The following KLHL29 variants were observed in gnomAD, a reference collection of about 807,000 sequenced individuals.
The protein encoded by KLHL29 is kelch like family member 29, also known as kelch-like protein 29.
Under a neutral mutation model 80.4 loss-of-function variants are expected in KLHL29, and 21 were observed. The ratio of observed to expected loss-of-function variants is 0.26; its 90% CI spans 0.19 to 0.38. The LOEUF is 0.38. Among genes scored for constraint, KLHL29 ranks in the 10% least tolerant of loss-of-function variants. The pLI is 1.00. For synonymous variants in KLHL29, 511 were observed against 526.8 expected, an observed-to-expected ratio of 0.97 and a Z score of 0.41; for missense variants, 867 against 1,223.9, an observed-to-expected ratio of 0.71 and a Z score of 4.35.
rs1274026740 is a variant in KLHL29 at position 23,642,753 on chromosome 2, C to T, written c.843C>T (p.Thr281=). Residue 281 remains threonine, a synonymous_variant, in exon 5 of 14, where the codon ACC becomes ACT. Coordinates refer to ENST00000486442, the MANE Select transcript of KLHL29 (RefSeq NM_052920.2). ...SATLPSGAPA[T]NGPPTTDSAH... ...CTCTCCCCAGTGGTGCCCCTGCCACCAATGGGCCCCCCACAACCGACTCGG... is the reference window on the plus strand; with the variant it reads ...CTCTCCCCAGTGGTGCCCCTGCCACTAATGGGCCCCCCACAACCGACTCGG... The T allele has an allele frequency of 3.9e-6, 6 of 1,550,188 alleles. No individual in the cohort carries two copies. The highest frequency in any genetic ancestry group is 1.7e-6 in the Non-Finnish European group (2 of 1,146,820).
chr2:23,393,040 A>G (rs546994162), intron 1 of KLHL29, among the ~76,000 whole-genome samples: 2 of 152,222 alleles, frequency 1.3e-5, no homozygotes, highest in Non-Finnish European at 2.9e-5. Flanking sequence ...AGCATAGTAA[A>G]TAAATAGCAA....
At chr2:23,614,463 A>C (rs1199039494) in intron 3 of KLHL29, among the ~76,000 whole-genome samples, 1 of 152,244 alleles carries the variant, frequency 6.6e-6, no homozygotes, top group Non-Finnish European at 1.5e-5. Flanking sequence ...TCACAGTCAC[A>C]GTAGGAAATA....
intron 1 of KLHL29, among the ~76,000 whole-genome samples, chr2:23,406,445 G>A (rs143544356): frequency 1.3e-5 from 2 of 151,516 alleles, no homozygotes; most frequent in African/African-American, 2.4e-5. Flanking sequence ...GGACCATGTT[G>A]CACATGAAAT....
rs1159907916 is a variant in KLHL29 at position 23,682,895 on chromosome 2, T to TA, written c.941-1504_941-1503insA. On this transcript the variant is annotated intron_variant, in intron 5 of 13. Coordinates refer to ENST00000486442, the MANE Select transcript of KLHL29 (RefSeq NM_052920.2). The surrounding 1 kb of genome is among the most constrained non-coding windows in gnomAD (Gnocchi z 4.1). The stretch of plus-strand genomic sequence containing the variant: ...GTTGGCGGGGTCAGTGATTCGGCCT[T>TA]GCCATGGCTCCCAGAGGGCAGGGCC... 0.01 allele frequency among the ~76,000 whole-genome samples: 2 copies of TA among 198 alleles called. No homozygotes were observed. Among genetic ancestry groups the TA allele is most frequent in the African/African-American group, 0.036 (2 of 56 alleles). The allele number at this position is 198 out of a possible 152,430, so 0.1% of individuals were successfully genotyped here. A position where few individuals can be genotyped will look rare whatever the true frequency, so the allele number is the denominator to read the frequency against.
chr2:23,645,497 T>C (rs1273119278), intron 5 of KLHL29, among the ~76,000 whole-genome samples: 1 of 152,226 alleles, frequency 6.6e-6, no homozygotes, highest in Admixed American at 6.5e-5. Context: ...TGTTCTCTGT[T>C]TGAAACCTTG....
At chr2:23,588,769 GCCA>G (rs1273929177) in intron 3 of KLHL29, among the ~76,000 whole-genome samples, 2 of 152,220 alleles carry the variant, frequency 1.3e-5, no homozygotes, top group Non-Finnish European at 2.9e-5. Context: ...TGGACTGGAG[GCCA>G]CAGAGAAGAG....
chr2:23,604,972 A>G (rs987324744), intron 3 of KLHL29, among the ~76,000 whole-genome samples: 1 of 152,116 alleles, frequency 6.6e-6, no homozygotes, highest in Non-Finnish European at 1.5e-5. Flanking sequence ...GGCTGTTGGG[A>G]GGGTCCGCTG....
intron 1 of KLHL29, among the ~76,000 whole-genome samples, chr2:23,421,323 A>C (rs1662793941): frequency 6.6e-6 from 1 of 152,168 alleles, no homozygotes; most frequent in South Asian, 2.1e-4. Context: ...TGAAGATCAC[A>C]TGGTCAGGGC....
intron 1 of KLHL29, among the ~76,000 whole-genome samples, chr2:23,455,212 C>G (rs572858342): frequency 2.0e-5 from 3 of 152,282 alleles, no homozygotes; most frequent in Admixed American, 2.0e-4. Context: ...ATAAAATTGT[C>G]CCACTTCCAT....
At chr2:23,604,033 A>C (rs946094563) in intron 3 of KLHL29, among the ~76,000 whole-genome samples, 1 of 152,204 alleles carries the variant, frequency 6.6e-6, no homozygotes, top group Non-Finnish European at 1.5e-5. Context: ...TCTGGTCTTC[A>C]GTGCTCAGGG....
chr2:23,567,613 T>C (rs1423558221), intron 3 of KLHL29, among the ~76,000 whole-genome samples: 5 of 152,198 alleles, frequency 3.3e-5, no homozygotes, highest in Non-Finnish European at 7.3e-5. Flanking sequence ...GGGGAGATGA[T>C]CTGGGATTTC....
chr2:23,438,049 A>G (rs911391555), intron 1 of KLHL29, among the ~76,000 whole-genome samples: 1 of 150,830 alleles, frequency 6.6e-6, no homozygotes, highest in African/African-American at 2.5e-5. Flanking sequence ...TGGATTCCTA[A>G]GTATTTTATT....
In KLHL29 at chr2:23,662,913, A is replaced by G. The variant is rs111894697; in HGVS notation, c.940+20063A>G. The stretch of plus-strand genomic sequence containing the variant: ...AAATGCAAGGCTTTGAATTAAGCAG[A>G]ACCGGATTCAAATCTCCACTCTGCC... On this transcript the variant is annotated intron_variant, in intron 5 of 13. Coordinates refer to ENST00000486442, the MANE Select transcript of KLHL29 (RefSeq NM_052920.2). Among the ~76,000 whole-genome samples the G allele has an allele frequency of 5.3e-3, 802 of 152,336 alleles. 7 individuals are homozygous for G. Among genetic ancestry groups the G allele is most frequent in the African/African-American group, 0.018 (751 of 41,574 alleles).
chr2:23,653,126 C>T (rs1248733752), intron 5 of KLHL29, among the ~76,000 whole-genome samples: 1 of 152,212 alleles, frequency 6.6e-6, no homozygotes, highest in Non-Finnish European at 1.5e-5. Flanking sequence ...TCAAACCCTT[C>T]TGCCTCCCTC....
At chr2:23,688,892 T>C in intron 6 of KLHL29, 1 of 152,470 alleles carries the variant, frequency 6.6e-6, no homozygotes, top group Non-Finnish European at 1.5e-5. Context: ...GACGCAGCCC[T>C]CGTCAGCGAC....
chr2:23,449,011 C>T (rs1572520525), intron 1 of KLHL29, among the ~76,000 whole-genome samples: 1 of 152,304 alleles, frequency 6.6e-6, no homozygotes, highest in East Asian at 1.9e-4. Flanking sequence ...AGCCAGTCTG[C>T]AGACCCACAC....
chr2:23,641,829 C>G (rs1428351923), intron 4 of KLHL29, among the ~76,000 whole-genome samples: 1 of 152,104 alleles, frequency 6.6e-6, no homozygotes, highest in Non-Finnish European at 1.5e-5. Context: ...ACTAAAAATA[C>G]AAAAATTAAC....
intron 2 of KLHL29, among the ~76,000 whole-genome samples, chr2:23,547,334 T>C (rs1415572376): frequency 1.3e-5 from 2 of 152,092 alleles, no homozygotes; most frequent in African/African-American, 4.8e-5. Context: ...GTGGACCAGA[T>C]ATGATAAGAG....
At chr2:23,532,922 G>T (rs541165897) in intron 2 of KLHL29, among the ~76,000 whole-genome samples, 1 of 152,130 alleles carries the variant, frequency 6.6e-6, no homozygotes, top group East Asian at 1.9e-4. Context: ...CACGTGGGCC[G>T]AGAGGAGGAG....
Sources: allele counts gnomAD v4.1 joint callset (sites outside exome capture counted in the v4.1 genomes callset), GRCh38; gene constraint gnomAD v4.1.1; non-coding constraint Gnocchi (gnomAD v3.1); transcripts MANE v1.5; gene names NCBI Gene and HGNC (gene_info 2026-07-23, HGNC 2026-07-21).